Variants in LEF1 observed in about 807,000 individuals in gnomAD.
LEF1 encodes lymphoid enhancer-binding factor 1.
A neutral mutation model predicts 51.2 loss-of-function variants in LEF1; 14 were observed. The observed-to-expected ratio is 0.27, with a 90% CI of 0.18 to 0.43. LEF1 has a LOEUF of 0.43. LEF1 is among the 20% of genes least tolerant of loss of function. LEF1 has a pLI of 1.00. For missense variants in LEF1, 386 were observed against 512.0 expected, an observed-to-expected ratio of 0.75 and a Z score of 2.37; for synonymous variants, 185 against 183.2, an observed-to-expected ratio of 1.01 and a Z score of -0.08.
intron 3 of LEF1, among the ~76,000 whole-genome samples, chr4:108,093,023 T>C (rs899644083): frequency 6.6e-6 from 1 of 151,258 alleles, no homozygotes; most frequent in Non-Finnish European, 1.5e-5. Flanking sequence ...AAAGTGTGTA[T>C]CTAAGTATAT....
At chr4:108,053,111 A>C (rs1443614507) in intron 11 of LEF1, among the ~76,000 whole-genome samples, 1 of 152,180 alleles carries the variant, frequency 6.6e-6, no homozygotes, top group Non-Finnish European at 1.5e-5. Context: ...ATCCCCAGGC[A>C]ACAACCCCTG....
intron 3 of LEF1, among the ~76,000 whole-genome samples, chr4:108,115,128 C>T (rs950046722): frequency 4.6e-5 from 7 of 152,178 alleles, no homozygotes; most frequent in African/African-American, 7.2e-5. Flanking sequence ...TAATTCCATG[C>T]GCACACCTAT....
chr4:108,131,137 C>T (rs560703510), intron 3 of LEF1, among the ~76,000 whole-genome samples: 3 of 152,038 alleles, frequency 2.0e-5, no homozygotes, highest in Admixed American at 6.5e-5. Context: ...CTACATCCAG[C>T]TTATTTTAAT....
intron 9 of LEF1, among the ~76,000 whole-genome samples, chr4:108,065,349 G>A (rs990023681): frequency 6.6e-6 from 1 of 152,192 alleles, no homozygotes; most frequent in Non-Finnish European, 1.5e-5. Context: ...GCCAGGCGTG[G>A]TGGCGTGCGC....
chr4:108,089,091 A>G, intron 4 of LEF1, 34 bp downstream of exon 4: 1 of 1,610,276 alleles, frequency 6.2e-7, no homozygotes, highest in Non-Finnish European at 8.5e-7. Context: ...TCATTTGGCA[A>G]AAAAAAAGGG....
At chr4:108,142,022 C>G (rs1743690011) in intron 3 of LEF1, among the ~76,000 whole-genome samples, 1 of 152,140 alleles carries the variant, frequency 6.6e-6, no homozygotes, top group South Asian at 2.1e-4. Context: ...TTTTATAACT[C>G]AGACCACACA....
chr4:108,063,242 T>C lies in LEF1; in HGVS notation c.*6+381A>G, dbSNP rs528776986. On this transcript the variant is annotated intron_variant, in intron 11 of 11. Transcript: ENST00000265165. ...GCTTGGGAGTTCTGGGCTAAAATGG[T>C]GCTCCTCAAACCCACCCTGGATTTG... Among the ~76,000 whole-genome samples, 9 of 152,304 alleles carry C rather than the reference T, an allele frequency of 5.9e-5. 1 individual carries two copies. In the South Asian group the frequency reaches 1.9e-3, roughly 32 times the overall value.
At chr4:108,161,063 T>C (rs1745024151) in intron 3 of LEF1, among the ~76,000 whole-genome samples, 1 of 152,096 alleles carries the variant, frequency 6.6e-6, no homozygotes, top group Admixed American at 6.5e-5. Flanking sequence ...TAGATGAAAA[T>C]CTATCACTGT....
At chr4:108,066,091 C>T (rs62312237) in intron 9 of LEF1, among the ~76,000 whole-genome samples, 6,407 of 152,192 alleles carry the variant, frequency 0.042, 168 homozygotes, top group Non-Finnish European at 0.062. Context: ...TTGGTAAATA[C>T]GGAGTTTCAC....
At chr4:108,120,298 T>G (rs1225856806) in intron 3 of LEF1, among the ~76,000 whole-genome samples, 5 of 152,152 alleles carry the variant, frequency 3.3e-5, no homozygotes, top group Admixed American at 3.3e-4. Context: ...CCCAAAGTAC[T>G]AGGATTATGT....
intron 3 of LEF1, among the ~76,000 whole-genome samples, chr4:108,155,823 C>G (rs1379460553): frequency 6.6e-6 from 1 of 152,206 alleles, no homozygotes; most frequent in African/African-American, 2.4e-5. Flanking sequence ...CTTCCCTTCT[C>G]TATGTTTAGC....
Position 108,048,619 on chromosome 4 carries a change from T to G in LEF1, c.*139A>C. On this transcript the variant is annotated 3_prime_UTR_variant, in exon 12 of 12. Coordinates refer to ENST00000265165, the MANE Select transcript of LEF1 (RefSeq NM_016269.5). ...AGCAGTGACCTCAGGGTAAAATTGATGTCAGTGTTCCTTTGGGGTCGACTG... is the reference window on the plus strand; with the variant it reads ...AGCAGTGACCTCAGGGTAAAATTGAGGTCAGTGTTCCTTTGGGGTCGACTG... 2 of 1,185,972 alleles carry G rather than the reference T, an allele frequency of 1.7e-6. No individual in the cohort carries two copies. The highest frequency in any genetic ancestry group is 2.4e-6 in the Non-Finnish European group (2 of 839,010). 73.5% of individuals were successfully genotyped at this position (1,185,972 alleles called of 1,614,324 possible).
chr4:108,075,737 T>A (rs1738814410), intron 8 of LEF1, among the ~76,000 whole-genome samples: 1 of 152,148 alleles, frequency 6.6e-6, no homozygotes, highest in South Asian at 2.1e-4. Flanking sequence ...GGATAAACAA[T>A]CTTAGAGTGT....
intron 9 of LEF1, among the ~76,000 whole-genome samples, chr4:108,065,413 G>C (rs1246385685): frequency 6.6e-6 from 1 of 152,222 alleles, no homozygotes; most frequent in Non-Finnish European, 1.5e-5. Context: ...TGAACCCGGA[G>C]GCAGAGGTTG....
intron 3 of LEF1, among the ~76,000 whole-genome samples, chr4:108,116,253 G>T (rs1741836859): frequency 6.6e-6 from 1 of 152,182 alleles, no homozygotes; most frequent in African/African-American, 2.4e-5. Context: ...AGGCACAGTG[G>T]CTCACACCTG....
chr4:108,061,731 A>G (rs996455888), intron 11 of LEF1, among the ~76,000 whole-genome samples: 35 of 152,090 alleles, frequency 2.3e-4, no homozygotes, highest in African/African-American at 8.2e-4. Flanking sequence ...GTCATCAGCC[A>G]TGCTTACATC....
rs372144397 is a variant in LEF1 at position 108,055,910 on chromosome 4, C to A, written c.*7-7159G>T. On this transcript the variant is annotated intron_variant, in intron 11 of 11. Transcript: ENST00000265165. ...TGTACCCATGAACCCAACCCAATTT[C>A]TTTATTAACACAGAGCTGTCTAGAT... Among the ~76,000 whole-genome samples, 52 of 152,336 alleles carry A rather than the reference C, an allele frequency of 3.4e-4. No individual in the cohort carries two copies. The Middle Eastern group carries it at 0.014, about 40-fold the overall frequency.
At chr4:108,097,229 T>C (rs1740455348) in intron 3 of LEF1, among the ~76,000 whole-genome samples, 1 of 152,186 alleles carries the variant, frequency 6.6e-6, no homozygotes, top group Admixed American at 6.5e-5. Flanking sequence ...AAATGTGGTA[T>C]ATACCCAATG....
At chr4:108,096,235 G>A (rs924207091) in intron 3 of LEF1, among the ~76,000 whole-genome samples, 2 of 152,122 alleles carry the variant, frequency 1.3e-5, no homozygotes, top group Non-Finnish European at 2.9e-5. Flanking sequence ...AGATTCTAAG[G>A]AGGCAAGAGG....
Sources: allele counts gnomAD v4.1 joint callset (sites outside exome capture counted in the v4.1 genomes callset), GRCh38; gene constraint gnomAD v4.1.1; transcripts MANE v1.5; gene names NCBI Gene and HGNC (gene_info 2026-07-23, HGNC 2026-07-21).